Variants in CSRNP3 observed in about 807,000 individuals in gnomAD.
The protein encoded by CSRNP3 is cysteine and serine rich nuclear protein 3, also known as cysteine/serine-rich nuclear protein 3.
Under a neutral mutation model 48.0 loss-of-function variants are expected in CSRNP3, and 12 were observed. The ratio of observed to expected loss-of-function variants is 0.25; its 90% CI spans 0.16 to 0.41. The LOEUF (loss-of-function observed/expected upper bound fraction) is 0.41, where lower values mean the gene tolerates loss of function less well. Ranked by LOEUF, CSRNP3 falls within the 10% of genes least tolerant of loss-of-function variation. CSRNP3 has a pLI of 1.00. For synonymous variants in CSRNP3, 263 were observed against 269.7 expected (o/e 0.98, Z 0.24); for missense variants, 580 against 724.4 (o/e 0.80, Z 2.29).
intron 3 of CSRNP3, among the ~76,000 whole-genome samples, chr2:165,567,244 T>C (rs1685308841): frequency 6.6e-6 from 1 of 152,140 alleles, no homozygotes; most frequent in South Asian, 2.1e-4. Context: ...ACAGTCAACA[T>C]TTATGGTCAC....
chr2:165,608,934 C>CAAAAAAAAA (rs33952227), intron 4 of CSRNP3, among the ~76,000 whole-genome samples: 1,031 of 73,758 alleles, frequency 0.014, no homozygotes, highest in Non-Finnish European at 0.016. Context: ...ACTAAAAATA[C>CAAAAAAAAA]AAAAAAAAAA....
intron 2 of CSRNP3, among the ~76,000 whole-genome samples, chr2:165,507,480 T>C (rs1684442506): frequency 6.6e-6 from 1 of 152,228 alleles, no homozygotes; most frequent in East Asian, 1.9e-4. Flanking sequence ...AGGGCTCCTC[T>C]GTATTCACCC....
intron 1 of CSRNP3, among the ~76,000 whole-genome samples, chr2:165,490,996 A>T (rs1398959472): frequency 7.2e-6 from 1 of 139,196 alleles, no homozygotes; most frequent in African/African-American, 2.6e-5. Flanking sequence ...AGAAACTACC[A>T]TCAGAGTGAA....
intron 4 of CSRNP3, among the ~76,000 whole-genome samples, chr2:165,614,794 C>T (rs1272793065): frequency 2.6e-5 from 4 of 151,930 alleles, no homozygotes; most frequent in Non-Finnish European, 5.9e-5. Context: ...TTTAAACTTC[C>T]ATCTTTATTT....
chr2:165,635,176 C>T (rs1227106522), intron 4 of CSRNP3, among the ~76,000 whole-genome samples: 2 of 152,240 alleles, frequency 1.3e-5, no homozygotes, highest in Non-Finnish European at 2.9e-5. Flanking sequence ...AGTGCGCAGC[C>T]AGGCTGGGCC....
intron 2 of CSRNP3, among the ~76,000 whole-genome samples, chr2:165,502,759 G>GTC (rs60183337): frequency 0.011 from 1,712 of 149,110 alleles, 30 homozygotes; most frequent in African/African-American, 0.039. Flanking sequence ...CTCTTCCCCT[G>GTC]TCTCTCTCTC....
intron 1 of CSRNP3, among the ~76,000 whole-genome samples, chr2:165,473,070 C>G (rs1683914677): frequency 6.6e-6 from 1 of 152,030 alleles, no homozygotes; most frequent in African/African-American, 2.4e-5. Flanking sequence ...GTGTAGACAA[C>G]CCCTATTTAA....
chr2:165,577,134 G>A (rs1214185655), intron 3 of CSRNP3, among the ~76,000 whole-genome samples: 1 of 150,422 alleles, frequency 6.6e-6, no homozygotes, highest in Non-Finnish European at 1.5e-5. Flanking sequence ...AAATTCTGGA[G>A]CCTATGAAAT....
rs1687666569 is a variant in CSRNP3, at chr2:165,688,470, C to T, written c.*8717C>T. The stretch of plus-strand genomic sequence containing the variant: ...CACAGGGTATATCAATTTGATAGAT[C>T]ATTTGACATTTGTCAAAAATACGTT... On this transcript the variant is annotated 3_prime_UTR_variant, in exon 7 of 7. Coordinates refer to ENST00000651982, the MANE Select transcript of CSRNP3 (RefSeq NM_001172173.2). The T allele has an allele frequency of 6.6e-6, 1 of 152,206 alleles. No individual in the cohort carries two copies. The highest frequency in any genetic ancestry group is 2.1e-4 in the South Asian group (1 of 4,828). The allele number at this position is 152,206 out of a possible 1,614,324, so 9.4% of individuals were successfully genotyped here.
chr2:165,601,662 T>A (rs1477902934), intron 4 of CSRNP3, among the ~76,000 whole-genome samples: 1 of 152,020 alleles, frequency 6.6e-6, no homozygotes, highest in Non-Finnish European at 1.5e-5. Flanking sequence ...CCTTCCTTCC[T>A]TGTCTCCCTC....
At chr2:165,566,145 T>A (rs920333252) in intron 3 of CSRNP3, among the ~76,000 whole-genome samples, 1 of 151,940 alleles carries the variant, frequency 6.6e-6, no homozygotes, top group Non-Finnish European at 1.5e-5. Flanking sequence ...CTTGTATGAC[T>A]ACAGACAGAC....
At chr2:165,668,094 G>C (rs1453613165) in intron 5 of CSRNP3, among the ~76,000 whole-genome samples, 1 of 152,194 alleles carries the variant, frequency 6.6e-6, no homozygotes, top group African/African-American at 2.4e-5. Context: ...TGATAGGGGA[G>C]ATAAACATTA....
intron 3 of CSRNP3, among the ~76,000 whole-genome samples, chr2:165,579,921 C>CTTTTT (rs147087270): frequency 8.5e-5 from 6 of 70,590 alleles, no homozygotes; most frequent in East Asian, 3.8e-4. Flanking sequence ...CATGACTCTA[C>CTTTTT]TTTTTTTTTT....
At chr2:165,543,508 C>T (rs551859445) in intron 3 of CSRNP3, among the ~76,000 whole-genome samples, 60 of 152,020 alleles carry the variant, frequency 3.9e-4, no homozygotes, top group African/African-American at 1.4e-3. Context: ...ACATTGTTTT[C>T]TATCTATTTT....
rs578062410 is a variant in CSRNP3 at position 165,584,608 on chromosome 2, A to G, written c.-23-10435A>G. ...TATGAGAGTGCAATGAGTAAGAAGA[A>G]AAAGAAAAGGAAGGAAGAGAATTTG... On this transcript the variant is annotated intron_variant, in intron 3 of 6. Transcript: ENST00000651982. Among the ~76,000 whole-genome samples the G allele has an allele frequency of 2.0e-5, 3 of 152,332 alleles. No individual in the cohort carries two copies. In the East Asian group the frequency reaches 5.8e-4, roughly 29 times the overall value.
At chr2:165,637,913 A>G (rs568664664) in intron 4 of CSRNP3, among the ~76,000 whole-genome samples, 14 of 152,320 alleles carry the variant, frequency 9.2e-5, no homozygotes, top group Non-Finnish European at 2.9e-5. Flanking sequence ...AAAATGTACT[A>G]TTATATAGTT....
chr2:165,549,012 C>CTT (rs5836044), intron 3 of CSRNP3, among the ~76,000 whole-genome samples: 103 of 143,188 alleles, frequency 7.2e-4, no homozygotes, highest in Admixed American at 2.2e-3. Flanking sequence ...GAGGTAATGT[C>CTT]TTTTTTTTTT....
chr2:165,572,946 TAAAAC>T (rs1275935403), intron 3 of CSRNP3, among the ~76,000 whole-genome samples: 1 of 152,154 alleles, frequency 6.6e-6, no homozygotes, highest in Non-Finnish European at 1.5e-5. Context: ...TTTCCAGTGT[TAAAAC>T]AATCTGTATT....
chr2:165,591,368 T>A (rs1685714919), intron 3 of CSRNP3, among the ~76,000 whole-genome samples: 1 of 152,150 alleles, frequency 6.6e-6, no homozygotes, highest in African/African-American at 2.4e-5. Context: ...TGAAGTCTGA[T>A]GATGTGATAG....
Sources: allele counts gnomAD v4.1 joint callset (sites outside exome capture counted in the v4.1 genomes callset), GRCh38; gene constraint gnomAD v4.1.1; transcripts MANE v1.5; gene names NCBI Gene and HGNC (gene_info 2026-07-23, HGNC 2026-07-21).